The following FER1L6 variants were observed in gnomAD, a reference collection of about 807,000 sequenced individuals.
FER1L6 encodes the protein fer-1-like protein 6.
A neutral mutation model predicts 219.2 loss-of-function variants in FER1L6; 177 were observed. The observed-to-expected ratio is 0.81, with a 90% CI of 0.71 to 0.91. FER1L6 has a LOEUF of 0.91. FER1L6 is among the 40% of genes least tolerant of loss of function. The probability of loss-of-function intolerance (pLI) is 0.00; values close to 1 mark genes in which losing one functional copy is unlikely to be tolerated. For synonymous variants in FER1L6, 768 were observed against 824.3 expected (o/e 0.93, Z 1.17); for missense variants, 2,153 against 2,259.9 (o/e 0.95, Z 0.96).
Position 124,119,801 on chromosome 8 carries a change from A to C in FER1L6, c.*11A>C. ...GTTGTGGGCTCATAGAGGATCATGG[A>C]GGACCCAGATCCTCGCCATATACTA... On this transcript the variant is annotated 3_prime_UTR_variant, in exon 41 of 41. Transcript: ENST00000522917. 2 of 1,612,826 alleles carry C rather than the reference A, an allele frequency of 1.2e-6. No homozygotes were observed. Among genetic ancestry groups the C allele is most frequent in the Admixed American group, 3.3e-5 (2 of 59,912 alleles).
At chr8:124,004,434 C>A (rs1817568650) in intron 13 of FER1L6, among the ~76,000 whole-genome samples, 1 of 152,194 alleles carries the variant, frequency 6.6e-6, no homozygotes, top group Non-Finnish European at 1.5e-5. Context: ...CCTGACACAG[C>A]TACATCTCTA....
At chr8:123,891,835 C>A (rs1192744941) in intron 1 of FER1L6, among the ~76,000 whole-genome samples, 3 of 152,188 alleles carry the variant, frequency 2.0e-5, no homozygotes, top group Admixed American at 6.5e-5. Flanking sequence ...CCAGAAATTA[C>A]AACCATTCAG....
chr8:124,045,624 CATAGTCACTTGA>C (rs1819691551), intron 20 of FER1L6, 131 bp from the exon 21 acceptor site: 1 of 901,714 alleles, frequency 1.1e-6, no homozygotes, highest in Admixed American at 2.1e-5. Flanking sequence ...GCTCAGTTTA[CATAGTCACTTGA>C]ATATTGAATG....
At position 123,863,172 on chromosome 8, in the gene FER1L6, A is replaced by G. The variant is rs1490241168; in HGVS notation, c.-8+10987A>G. 1.3e-4 allele frequency among the ~76,000 whole-genome samples: 13 copies of G among 101,138 alleles called. 1 individual carries two copies. The highest frequency in any genetic ancestry group is 6.7e-4 in the African/African-American group (13 of 19,452). The allele number at this position is 101,138 out of a possible 152,430, so 66.4% of individuals were successfully genotyped here. On this transcript the variant is annotated intron_variant, in intron 1 of 40. Transcript: ENST00000522917. ...TTGAATGCATCCCAGAGATTCTGGT[A>G]TGTTGTGTCTTTGTTCTCGTTGGTT...
intron 1 of FER1L6, among the ~76,000 whole-genome samples, chr8:123,866,642 T>G (rs923082379): frequency 6.6e-6 from 1 of 152,180 alleles, no homozygotes; most frequent in African/African-American, 2.4e-5. Context: ...TCCACATCCT[T>G]GCCAACACTG....
At chr8:123,926,081 C>A (rs966048464) in intron 1 of FER1L6, 1 of 152,120 alleles carries the variant, frequency 6.6e-6, no homozygotes, top group African/African-American at 2.4e-5. Flanking sequence ...TGGCAGTCAA[C>A]ATTTATAAAA....
intron 1 of FER1L6, among the ~76,000 whole-genome samples, chr8:123,943,166 A>C (rs1210726583): frequency 6.6e-6 from 1 of 152,204 alleles, no homozygotes; most frequent in Non-Finnish European, 1.5e-5. Context: ...AACTTACCAA[A>C]AGTAAAGTGC....
In FER1L6 at chr8:124,023,316, T is replaced by C. The variant is rs1387918007; in HGVS notation, c.2134-128T>C. The C allele has an allele frequency of 3.4e-6, 3 of 881,344 alleles. No homozygotes were observed. The East Asian group carries it at 7.5e-5, about 22-fold the overall frequency. The allele number at this position is 881,344 out of a possible 1,614,324, so 54.6% of individuals were successfully genotyped here. ...TAGATGTTTCAGTGCCTAGATGGTG[T>C]CAGTCACAGCATTTGTTTTGTCGAA... On this transcript the variant is annotated intron_variant, in intron 17 of 40. Transcript: ENST00000522917.
chr8:123,976,037 A>C lies in FER1L6; in HGVS notation c.823A>C (p.Lys275Gln), dbSNP rs921093947. The change falls in exon 9 of 41, where the codon AAG becomes CAG. Residue 275 changes from lysine (K) to glutamine (Q), a missense_variant. By Grantham distance (53) the Lys-to-Gln change is moderately conservative. Coordinates refer to ENST00000522917, the MANE Select transcript of FER1L6 (RefSeq NM_001039112.2). ...CACCAAGGCATTTGTGGGTGACAGT[A>C]AGGACCTGGTGGATCCCTTTGTGGA... Reference protein sequence around the residue: ...NVTKAFVGDSKDLVDPFVEVS... With the variant: ...NVTKAFVGDSQDLVDPFVEVS... 3 of 1,613,910 alleles carry C rather than the reference A, an allele frequency of 1.9e-6. No individual in the cohort carries two copies. Among genetic ancestry groups the C allele is most frequent in the African/African-American group, 2.7e-5 (2 of 74,928 alleles).
chr8:124,065,722 A>G (rs561095351), intron 26 of FER1L6, among the ~76,000 whole-genome samples: 3 of 152,324 alleles, frequency 2.0e-5, no homozygotes, highest in African/African-American at 7.2e-5. Flanking sequence ...CGCACTCGAT[A>G]GAGTGCCTGG....
intron 1 of FER1L6, among the ~76,000 whole-genome samples, chr8:123,855,839 GGGCCAGCCCCATATGACCCTAA>G (rs1816628461): frequency 6.8e-6 from 1 of 147,556 alleles, no homozygotes; most frequent in African/African-American, 2.5e-5. Flanking sequence ...CTGGTCATAT[GGGCCAGCCCCATATGACCCTAA>G]TATATTATGT....
At chr8:124,083,840 G>T (rs914441251) in intron 33 of FER1L6, among the ~76,000 whole-genome samples, 1 of 152,100 alleles carries the variant, frequency 6.6e-6, no homozygotes, top group South Asian at 2.1e-4. Context: ...AGATTTCACT[G>T]AATCTGTAGG....
chr8:123,989,816 A>G (rs1816764497), intron 12 of FER1L6, among the ~76,000 whole-genome samples: 5 of 152,192 alleles, frequency 3.3e-5, no homozygotes, highest in Admixed American at 1.3e-4. Context: ...TCATTAGTCA[A>G]TGGGCATTAA....
chr8:123,991,828 T>C (rs1816866490), intron 12 of FER1L6, among the ~76,000 whole-genome samples: 1 of 152,146 alleles, frequency 6.6e-6, no homozygotes, highest in Admixed American at 6.5e-5. Flanking sequence ...GGCTGAGGGC[T>C]GAGGGTTTTT....
At chr8:123,990,780 A>C (rs1816818806) in intron 12 of FER1L6, among the ~76,000 whole-genome samples, 2 of 152,124 alleles carry the variant, frequency 1.3e-5, no homozygotes, top group South Asian at 2.1e-4. Flanking sequence ...TCTTAGTTAT[A>C]AATTCTTTTC....
At chr8:124,037,796 C>T (rs975745468) in intron 19 of FER1L6, among the ~76,000 whole-genome samples, 1 of 152,068 alleles carries the variant, frequency 6.6e-6, no homozygotes, top group Admixed American at 6.5e-5. Flanking sequence ...CCTTTCCTGT[C>T]CCTCCTCACC....
chr8:124,098,882 A>G (rs186677586), intron 37 of FER1L6, among the ~76,000 whole-genome samples: 13 of 152,236 alleles, frequency 8.5e-5, no homozygotes, highest in Non-Finnish European at 1.3e-4. Context: ...TTTCTCCCCA[A>G]TATGCCACCA....
intron 34 of FER1L6, among the ~76,000 whole-genome samples, chr8:124,094,520 C>CT (rs1303842453): frequency 6.6e-6 from 1 of 152,086 alleles, no homozygotes; most frequent in African/African-American, 2.4e-5. Context: ...AGTCCCTGCT[C>CT]TGTCACCCAG....
intron 18 of FER1L6, among the ~76,000 whole-genome samples, chr8:124,029,582 A>G (rs1414463753): frequency 1.3e-5 from 2 of 152,024 alleles, no homozygotes; most frequent in African/African-American, 4.8e-5. Context: ...AGAAGTGTCT[A>G]TTTATGTCAT....
Sources: allele counts gnomAD v4.1 joint callset (sites outside exome capture counted in the v4.1 genomes callset), GRCh38; gene constraint gnomAD v4.1.1; transcripts MANE v1.5; gene names NCBI Gene and HGNC (gene_info 2026-07-23, HGNC 2026-07-21).